TBC1D5: variants seen among roughly 807,000 people sequenced by gnomAD.
TBC1D5 encodes the protein TBC1 domain family, member 5.
TBC1D5 carries 75 observed loss-of-function variants against 100.3 expected under a neutral mutation model. The observed-to-expected ratio is 0.75, with a 90% CI of 0.62 to 0.91. The LOEUF is 0.91. Ranked by LOEUF, TBC1D5 falls within the 40% of genes least tolerant of loss-of-function variation. The pLI, the probability that TBC1D5 is intolerant of heterozygous loss-of-function variation, is 0.00. For synonymous variants in TBC1D5, 323 were observed against 325.6 expected (o/e 0.99, Z 0.09); for missense variants, 910 against 942.4 (o/e 0.97, Z 0.45).
At chr3:17,440,720 C>G (rs1171405917) in intron 3 of TBC1D5, among the ~76,000 whole-genome samples, 1 of 152,144 alleles carries the variant, frequency 6.6e-6, no homozygotes, top group Admixed American at 6.5e-5. Flanking sequence ...CGGCTTACTG[C>G]AACCTCTGCC....
At chr3:17,486,120 T>G (rs201557630) in intron 3 of TBC1D5, among the ~76,000 whole-genome samples, 11,864 of 151,718 alleles carry the variant, frequency 0.078, 957 homozygotes, top group African/African-American at 0.21. Context: ...TCATGTGTCT[T>G]TTGGCTGCAT....
At chr3:17,455,380 G>A (rs915491066) in intron 3 of TBC1D5, among the ~76,000 whole-genome samples, 2 of 145,320 alleles carry the variant, frequency 1.4e-5, no homozygotes, top group Non-Finnish European at 3.0e-5. Context: ...ATATGTATAA[G>A]CCAAAAAAAG....
chr3:17,686,663 G>A (rs2070327918), intron 1 of TBC1D5, among the ~76,000 whole-genome samples: 1 of 152,130 alleles, frequency 6.6e-6, no homozygotes, highest in South Asian at 2.1e-4. Context: ...TTAAGCTATA[G>A]AGCCCTTAAA....
chr3:17,270,403 C>T (rs1162587023), intron 15 of TBC1D5, among the ~76,000 whole-genome samples: 2 of 152,080 alleles, frequency 1.3e-5, no homozygotes, highest in Non-Finnish European at 2.9e-5. Flanking sequence ...TGCTATCAGT[C>T]CCGCAGCAAT....
intron 1 of TBC1D5, among the ~76,000 whole-genome samples, chr3:17,648,665 A>C (rs1473891434): frequency 5.3e-5 from 8 of 150,478 alleles, no homozygotes; most frequent in South Asian, 4.1e-4. Context: ...AAAAGTCGCC[A>C]AAAAACACAA....
At chr3:17,466,004 T>C (rs1003238843) in intron 3 of TBC1D5, among the ~76,000 whole-genome samples, 1 of 152,250 alleles carries the variant, frequency 6.6e-6, no homozygotes, top group African/African-American at 2.4e-5. Flanking sequence ...TCAGTCACCT[T>C]AGAATTGATA....
chr3:17,672,971 G>T (rs2068121761), intron 1 of TBC1D5, among the ~76,000 whole-genome samples: 2 of 152,140 alleles, frequency 1.3e-5, no homozygotes, highest in Non-Finnish European at 1.5e-5. Flanking sequence ...GTTCTATCAT[G>T]AAATATTACA....
chr3:17,683,566 A>G (rs1247663737), intron 1 of TBC1D5, among the ~76,000 whole-genome samples: 2 of 152,186 alleles, frequency 1.3e-5, no homozygotes, highest in African/African-American at 4.8e-5. Flanking sequence ...AGAGGAAAAT[A>G]CCAGTACTCT....
In TBC1D5 at chr3:17,704,070, C is replaced by A. The variant is rs1342812028; in HGVS notation, c.-101+35273G>T. ...TTTCCTAGGCAGAGGACCCTGCGGC[C>A]TTCCGCAGTGTTTGTGTCCCTGATT... On this transcript the variant is annotated intron_variant, in intron 1 of 21. Transcript: ENST00000253692. Among the ~76,000 whole-genome samples, 3 of 143,190 alleles carry A rather than the reference C, an allele frequency of 2.1e-5. No individual in the cohort carries two copies. The Admixed American group carries it at 2.1e-4, about 10-fold the overall frequency. The allele number at this position is 143,190 out of a possible 152,430, so 93.9% of individuals were successfully genotyped here.
intron 1 of TBC1D5, among the ~76,000 whole-genome samples, chr3:17,676,889 C>G (rs1202859795): frequency 1.3e-5 from 2 of 152,162 alleles, no homozygotes; most frequent in Admixed American, 1.3e-4. Context: ...CTGACACAAA[C>G]AAGAAATGGG....
intron 3 of TBC1D5, among the ~76,000 whole-genome samples, chr3:17,499,789 T>C (rs1357872487): frequency 1.3e-5 from 2 of 149,296 alleles, no homozygotes; most frequent in African/African-American, 5.1e-5. Flanking sequence ...AAAAGCTCCA[T>C]TATAGGCCAT....
At chr3:17,425,554 A>G (rs973331452) in intron 4 of TBC1D5, among the ~76,000 whole-genome samples, 1 of 152,134 alleles carries the variant, frequency 6.6e-6, no homozygotes, top group Non-Finnish European at 1.5e-5. Flanking sequence ...GCTTGAGGCC[A>G]GGTGGTTGAG....
Position 17,455,183 on chromosome 3 carries a change from C to T in TBC1D5, c.98-26664G>A, listed in dbSNP as rs547902980. 8.7e-5 allele frequency among the ~76,000 whole-genome samples: 11 copies of T among 126,798 alleles called. No homozygotes were observed. The South Asian group carries it at 1.2e-3, about 14-fold the overall frequency. 83.2% of individuals were successfully genotyped at this position (126,798 alleles called of 152,430 possible). On this transcript the variant is annotated intron_variant, in intron 3 of 21. Transcript: ENST00000253692. ...AAAAGTATACACACACACACACACA[C>T]GTGTGTGTGTATATATATGTATATA...
chr3:17,205,026 G>A (rs1056936363), intron 18 of TBC1D5, among the ~76,000 whole-genome samples: 4 of 152,160 alleles, frequency 2.6e-5, no homozygotes, highest in Admixed American at 2.0e-4. Context: ...AACATCGAAT[G>A]ACTAAATGTA....
chr3:17,594,177 G>T (rs2060415856), intron 2 of TBC1D5, among the ~76,000 whole-genome samples: 1 of 152,210 alleles, frequency 6.6e-6, no homozygotes, highest in South Asian at 2.1e-4. Flanking sequence ...GGCTAAGAAA[G>T]GAGTTATAGT....
At chr3:17,280,510 G>C (rs1349509249) in intron 15 of TBC1D5, among the ~76,000 whole-genome samples, 1 of 152,144 alleles carries the variant, frequency 6.6e-6, no homozygotes, top group African/African-American at 2.4e-5. Flanking sequence ...AGAGGGGAGA[G>C]GAAGAGAAGA....
rs114368642 is a variant in TBC1D5, at chr3:17,488,519, G to A, written c.97+19955C>T. On this transcript the variant is annotated intron_variant, in intron 3 of 21. Transcript: ENST00000253692. ...AGGAGCAAAACTGCTGGGTCATATG[G>A]TAAGAGTATGTACAATTTTGTAAGA... is the stretch of plus-strand genomic sequence containing the variant. Among the ~76,000 whole-genome samples, 1,116 of 152,272 alleles carry A rather than the reference G, an allele frequency of 7.3e-3. 10 individuals are homozygous for A. The highest frequency in any genetic ancestry group is 0.025 in the African/African-American group (1,048 of 41,546).
rs754140798 is a variant in TBC1D5, at chr3:17,506,444, T to C, written c.97+2030A>G. Among the ~76,000 whole-genome samples, 23 of 152,296 alleles carry C rather than the reference T, an allele frequency of 1.5e-4. No individual in the cohort carries two copies. In the Middle Eastern group the frequency reaches 0.01, roughly 68 times the overall value. On this transcript the variant is annotated intron_variant, in intron 3 of 21. Transcript: ENST00000253692. ...AACAGTTGACAGCTGTTTTAGAGCA[T>C]ACAGAGATGCCAAGCTGAATGAGGG... is the stretch of plus-strand genomic sequence containing the variant.
At chr3:17,611,594 G>T (rs2061672544) in intron 2 of TBC1D5, among the ~76,000 whole-genome samples, 1 of 152,148 alleles carries the variant, frequency 6.6e-6, no homozygotes, top group Non-Finnish European at 1.5e-5. Flanking sequence ...ATGAAGATGG[G>T]GGGACAAAAG....
Sources: gnomAD v4.1 joint callset for allele counts (sites outside exome capture counted in the v4.1 genomes callset) on GRCh38, gnomAD v4.1.1 for gene constraint, MANE v1.5 for transcripts, NCBI Gene and HGNC (gene_info 2026-07-23, HGNC 2026-07-21) for gene names.